SLIT3: variants seen among roughly 807,000 people sequenced by gnomAD.
SLIT3 encodes slit guidance ligand 3, also known as slit homolog 3 protein.
SLIT3 carries 68 observed loss-of-function variants against 184.0 expected under a neutral mutation model. The ratio of observed to expected loss-of-function variants is 0.37; its 90% CI spans 0.30 to 0.45. SLIT3 has a LOEUF of 0.45. Among genes scored for constraint, SLIT3 ranks in the 20% least tolerant of loss-of-function variants. The pLI, the probability that SLIT3 is intolerant of heterozygous loss-of-function variation, is 1.00. For missense variants in SLIT3, 1,707 were observed against 2,026.0 expected, an observed-to-expected ratio of 0.84 and a Z score of 3.02; for synonymous variants, 831 against 828.6, an observed-to-expected ratio of 1.00 and a Z score of -0.05.
chr5:168,762,443 C>G lies in SLIT3; in HGVS notation c.1610+96G>C, dbSNP rs533928279. On this transcript the variant is annotated intron_variant, in intron 15 of 35. Transcript: ENST00000519560. ...GCCAACAAACACCACATGACTGAGC[C>G]AGGAAGGGGTCACCGCCAGGAGACC... 4.1e-4 allele frequency: 548 copies of G among 1,351,642 alleles called. 9 individuals are homozygous for G. In the South Asian group the frequency reaches 6.5e-3, roughly 16 times the overall value. 83.7% of individuals were successfully genotyped at this position (1,351,642 alleles called of 1,614,324 possible).
intron 4 of SLIT3, among the ~76,000 whole-genome samples, chr5:168,965,476 C>A (rs1352382982): frequency 6.6e-6 from 1 of 152,132 alleles, no homozygotes; most frequent in East Asian, 1.9e-4. Context: ...AATTACTTTG[C>A]CCATATAGCC....
intron 3 of SLIT3, among the ~76,000 whole-genome samples, chr5:169,207,439 G>T (rs1470721077): frequency 1.4e-5 from 2 of 148,058 alleles, no homozygotes; most frequent in African/African-American, 5.0e-5. Context: ...ATCCTGAAAA[G>T]AATTCAACGT....
At chr5:169,047,130 G>C (rs1451799693) in intron 4 of SLIT3, among the ~76,000 whole-genome samples, 1 of 152,046 alleles carries the variant, frequency 6.6e-6, no homozygotes, top group Non-Finnish European at 1.5e-5. Flanking sequence ...TCCCCACCTG[G>C]ATGTCCTGCA....
At chr5:169,170,950 G>A (rs1266136592) in intron 4 of SLIT3, among the ~76,000 whole-genome samples, 3 of 152,128 alleles carry the variant, frequency 2.0e-5, no homozygotes, top group Non-Finnish European at 4.4e-5. Flanking sequence ...AGACATCATG[G>A]TTACCAACCA....
At chr5:168,864,747 A>G (rs192416510) in intron 5 of SLIT3, among the ~76,000 whole-genome samples, 10 of 152,326 alleles carry the variant, frequency 6.6e-5, no homozygotes, top group African/African-American at 2.2e-4. Context: ...ACCATGGGCC[A>G]TATATACTGA....
intron 4 of SLIT3, among the ~76,000 whole-genome samples, chr5:168,914,166 T>A (rs1380656817): frequency 6.6e-6 from 1 of 152,250 alleles, no homozygotes; most frequent in Non-Finnish European, 1.5e-5. Context: ...AATATAGTTT[T>A]AGAAAAGTTC....
At chr5:169,289,918 C>T (rs1462492809) in intron 1 of SLIT3, among the ~76,000 whole-genome samples, 1 of 152,076 alleles carries the variant, frequency 6.6e-6, no homozygotes, top group African/African-American at 2.4e-5. Flanking sequence ...AGGGCACATA[C>T]TAGGGCATAT....
intron 4 of SLIT3, among the ~76,000 whole-genome samples, chr5:168,932,944 C>T (rs1762040458): frequency 6.6e-6 from 1 of 152,210 alleles, no homozygotes; most frequent in Admixed American, 6.5e-5. Flanking sequence ...CAGTCCTTGT[C>T]TTCGGAAGCT....
chr5:169,019,959 C>G (rs1240381368), intron 4 of SLIT3, among the ~76,000 whole-genome samples: 1 of 152,018 alleles, frequency 6.6e-6, no homozygotes, highest in Non-Finnish European at 1.5e-5. Context: ...AAGTGTTTTC[C>G]CTGGGCTACA....
chr5:168,722,104 T>C (rs1281580088), intron 23 of SLIT3, 152 bp downstream of exon 23: 6 of 672,318 alleles, frequency 8.9e-6, no homozygotes, highest in South Asian at 3.6e-5. Flanking sequence ...TAGCTCTCTC[T>C]ACTCCACTGA....
intron 4 of SLIT3, among the ~76,000 whole-genome samples, chr5:169,034,041 T>C (rs1174412525): frequency 6.6e-6 from 1 of 152,076 alleles, no homozygotes; most frequent in Admixed American, 6.5e-5. Flanking sequence ...CTTGATCTCT[T>C]GACCTTGTGA....
intron 4 of SLIT3, among the ~76,000 whole-genome samples, chr5:168,972,640 A>T (rs1754618369): frequency 6.6e-6 from 1 of 152,094 alleles, no homozygotes; most frequent in African/African-American, 2.4e-5. Context: ...CGAGATGGCC[A>T]CTGGGAAGCA....
chr5:168,828,362 G>A (rs139896557), intron 6 of SLIT3, among the ~76,000 whole-genome samples: 1 of 152,090 alleles, frequency 6.6e-6, no homozygotes. Context: ...TGGGTGCAGT[G>A]GCTCATGCCT....
At chr5:168,833,055 T>C (rs750727647) in intron 6 of SLIT3, among the ~76,000 whole-genome samples, 8 of 152,202 alleles carry the variant, frequency 5.3e-5, no homozygotes, top group Non-Finnish European at 8.8e-5. Flanking sequence ...GATTGTAAAT[T>C]ATTCATTGTT....
At chr5:168,729,866 A>G (rs950169722) in intron 20 of SLIT3, among the ~76,000 whole-genome samples, 1 of 152,166 alleles carries the variant, frequency 6.6e-6, no homozygotes, top group Admixed American at 6.5e-5. Context: ...ACAAAGCCTC[A>G]CATATCAATA....
chr5:169,199,441 G>A (rs932283424), intron 3 of SLIT3, among the ~76,000 whole-genome samples: 3 of 152,148 alleles, frequency 2.0e-5, no homozygotes, highest in Admixed American at 1.3e-4. Context: ...AGAGAAGGGA[G>A]GAACACTGTG....
intron 16 of SLIT3, among the ~76,000 whole-genome samples, chr5:168,755,435 TTC>T (rs1179338839): frequency 1.8e-5 from 1 of 56,328 alleles, no homozygotes; most frequent in East Asian, 5.6e-4. Flanking sequence ...CTTTCTTTCT[TTC>T]TTTCTTTCTT....
chr5:168,919,954 G>C (rs1761583334), intron 4 of SLIT3, among the ~76,000 whole-genome samples: 1 of 152,144 alleles, frequency 6.6e-6, no homozygotes, highest in African/African-American at 2.4e-5. Context: ...CTTCCTCTGA[G>C]AAGAGTTAAT....
chr5:169,028,792 A>G (rs904925287), intron 4 of SLIT3, among the ~76,000 whole-genome samples: 1 of 152,188 alleles, frequency 6.6e-6, no homozygotes, highest in African/African-American at 2.4e-5. Context: ...CGACAATCAC[A>G]TGGTAACCTA....
Sources: allele counts gnomAD v4.1 joint callset (sites outside exome capture counted in the v4.1 genomes callset), GRCh38; gene constraint gnomAD v4.1.1; transcripts MANE v1.5; gene names NCBI Gene and HGNC (gene_info 2026-07-23, HGNC 2026-07-21).